Variants in IFRD1 observed in about 807,000 individuals in gnomAD.
IFRD1 encodes the protein interferon-related developmental regulator 1.
IFRD1 carries 35 observed loss-of-function variants against 52.9 expected under a neutral mutation model. The ratio of observed to expected loss-of-function variants is 0.66; its 90% CI spans 0.51 to 0.88. IFRD1 has a LOEUF of 0.88. Ranked by LOEUF, IFRD1 falls within the 40% of genes least tolerant of loss-of-function variation. IFRD1 has a pLI of 0.00. For missense variants in IFRD1, 517 were observed against 550.8 expected, an observed-to-expected ratio of 0.94 and a Z score of 0.61; for synonymous variants, 184 against 188.4, an observed-to-expected ratio of 0.98 and a Z score of 0.19.
Position 112,424,393 on chromosome 7 carries a change from AG to A in IFRD1, c.-182+962del, listed in dbSNP as rs1794383684. On this transcript the variant is annotated intron_variant, in intron 1 of 12. Transcript: ENST00000005558. ...GGAGTGTCTGGTGAAGGGAAGGTAA[AG>A]ATTATGATAGTATTTCTTTCTTTCT... 1.3e-5 allele frequency among the ~76,000 whole-genome samples: 2 copies of A among 151,568 alleles called. 1 individual carries two copies. Among genetic ancestry groups the A allele is most frequent in the South Asian group, 4.2e-4 (2 of 4,776 alleles).
intron 8 of IFRD1, 105 bp downstream of exon 8, chr7:112,462,483 T>G (rs1437545552): frequency 1.3e-6 from 1 of 782,296 alleles, no homozygotes; most frequent in African/African-American, 1.7e-5. Flanking sequence ...CATGGCCAGC[T>G]TGAGAACCCA....
chr7:112,437,325 A>C (rs1274393550), intron 1 of IFRD1: 1 of 154,752 alleles, frequency 6.5e-6, no homozygotes, highest in Non-Finnish European at 1.5e-5. Flanking sequence ...AATTAGATAC[A>C]AGGAACTCAA....
At chr7:112,451,008 G>T (rs1383871902) in intron 1 of IFRD1, 2 of 574,536 alleles carry the variant, frequency 3.5e-6, no homozygotes, top group South Asian at 3.9e-5. Context: ...GGCCGTGGGG[G>T]CAGGGAGGAA....
intron 1 of IFRD1, 124 bp downstream of exon 1, chr7:112,450,906 G>A (rs570669716): frequency 1.3e-6 from 1 of 744,826 alleles, no homozygotes; most frequent in Non-Finnish European, 2.3e-6. Context: ...CAGGGTGCGT[G>A]GTTTGGCTAC....
At chr7:112,449,839 GGA>G (rs1184116487), upstream of IFRD1, among the ~76,000 whole-genome samples, 4 of 106,552 alleles carry the variant, frequency 3.8e-5, no homozygotes, top group African/African-American at 6.9e-5. Flanking sequence ...GGGGGGGGGG[GGA>G]TGGGGGGCAC....
At chr7:112,453,458 T>C (rs1185382938) in intron 1 of IFRD1, among the ~76,000 whole-genome samples, 1 of 150,000 alleles carries the variant, frequency 6.7e-6, no homozygotes, top group Non-Finnish European at 1.5e-5. Flanking sequence ...TATATGTGTA[T>C]TTTTTTTCTT....
chr7:112,432,282 C>T (rs1056651958), intron 1 of IFRD1, among the ~76,000 whole-genome samples: 2 of 152,146 alleles, frequency 1.3e-5, no homozygotes, highest in African/African-American at 4.8e-5. Context: ...CTTAATTTTT[C>T]ATTCATTTAT....
At chr7:112,453,459 T>A (rs2117286015) in intron 1 of IFRD1, among the ~76,000 whole-genome samples, 1 of 152,246 alleles carries the variant, frequency 6.6e-6, no homozygotes, top group African/African-American at 2.4e-5. Flanking sequence ...ATATGTGTAT[T>A]TTTTTTCTTT....
At chr7:112,447,252 C>T (rs559234856), upstream of IFRD1, among the ~76,000 whole-genome samples, 1 of 152,178 alleles carries the variant, frequency 6.6e-6, no homozygotes, top group Non-Finnish European at 1.5e-5. Context: ...ATGGTGATTT[C>T]TGTTCCATGG....
At chr7:112,434,524 C>T (rs1794624734) in intron 1 of IFRD1, among the ~76,000 whole-genome samples, 1 of 152,050 alleles carries the variant, frequency 6.6e-6, no homozygotes, top group African/African-American at 2.4e-5. Context: ...TTTAATATGT[C>T]TACTATATAC....
At chr7:112,423,250 C>T (rs1166200778) in exon 1 of IFRD1, 2 of 152,152 alleles carry the variant, frequency 1.3e-5, no homozygotes, top group African/African-American at 4.8e-5. Flanking sequence ...TTTGATGTTC[C>T]TTTATTACTT....
At chr7:112,450,912 G>A (rs1584484566) in intron 1 of IFRD1, 130 bp downstream of exon 1, 1 of 724,736 alleles carries the variant, frequency 1.4e-6, no homozygotes, top group Non-Finnish European at 2.4e-6. Flanking sequence ...GCGTGGTTTG[G>A]CTACTGAACT....
At chr7:112,425,150 T>C (rs1489726756) in intron 1 of IFRD1, among the ~76,000 whole-genome samples, 1 of 152,172 alleles carries the variant, frequency 6.6e-6, no homozygotes, top group Non-Finnish European at 1.5e-5. Context: ...GGATTATAGG[T>C]ATGGCACCAT....
chr7:112,445,480 T>C (rs140673747), upstream of IFRD1, among the ~76,000 whole-genome samples: 2 of 152,344 alleles, frequency 1.3e-5, no homozygotes, highest in African/African-American at 4.8e-5. Context: ...ACTAATCTTT[T>C]CTGCGTAGGG....
intron 1 of IFRD1, among the ~76,000 whole-genome samples, chr7:112,426,721 C>A (rs1794437298): frequency 6.6e-6 from 1 of 152,148 alleles, no homozygotes; most frequent in African/African-American, 2.4e-5. Flanking sequence ...AGAACAGACT[C>A]TTTGAGTCTG....
chr7:112,470,139 A>T (rs1284431171), intron 9 of IFRD1, among the ~76,000 whole-genome samples: 1 of 152,106 alleles, frequency 6.6e-6, no homozygotes, highest in Non-Finnish European at 1.5e-5. Flanking sequence ...GCAAGCACTT[A>T]ATGTTTTAGG....
intron 9 of IFRD1, among the ~76,000 whole-genome samples, chr7:112,468,792 C>G (rs148584163): frequency 6.6e-6 from 1 of 152,206 alleles, no homozygotes; most frequent in Non-Finnish European, 1.5e-5. Context: ...GCCACCGTGC[C>G]AGAGATCTTC....
intron 1 of IFRD1, chr7:112,452,086 C>A (rs1795180031): frequency 2.0e-6 from 2 of 982,168 alleles, no homozygotes; most frequent in South Asian, 4.7e-5. Flanking sequence ...TGATGAAATT[C>A]ATTCTTTATC....
chr7:112,444,616 A>T (rs1011924747), intron 1 of IFRD1, among the ~76,000 whole-genome samples: 18 of 152,334 alleles, frequency 1.2e-4, no homozygotes, highest in Admixed American at 3.3e-4. Context: ...TTACACTGGC[A>T]AACATTCATC....
Sources: gnomAD v4.1 joint callset for allele counts (sites outside exome capture counted in the v4.1 genomes callset) on GRCh38, gnomAD v4.1.1 for gene constraint, MANE v1.5 for transcripts, NCBI Gene and HGNC (gene_info 2026-07-23, HGNC 2026-07-21) for gene names.